Variants in SLIT2 observed in about 807,000 individuals in gnomAD.
The protein encoded by SLIT2 is slit homolog 2 protein.
Under a neutral mutation model 185.7 loss-of-function variants are expected in SLIT2, and 41 were observed. The observed-to-expected ratio is 0.22, with a 90% CI of 0.17 to 0.29. The LOEUF (loss-of-function observed/expected upper bound fraction) is 0.29, where lower values mean the gene tolerates loss of function less well. Among genes scored for constraint, SLIT2 ranks in the 10% least tolerant of loss-of-function variants. The pLI, the probability that SLIT2 is intolerant of heterozygous loss-of-function variation, is 1.00. For synonymous variants in SLIT2, 693 were observed against 680.2 expected, an observed-to-expected ratio of 1.02 and a Z score of -0.29; for missense variants, 1,571 against 1,909.0, an observed-to-expected ratio of 0.82 and a Z score of 3.30.
chr4:20,255,854 A>G (rs1711765667), intron 1 of SLIT2, among the ~76,000 whole-genome samples: 1 of 152,212 alleles, frequency 6.6e-6, no homozygotes, highest in African/African-American at 2.4e-5. Flanking sequence ...CAAAGGTGAT[A>G]TAGAGCTTAC....
intron 4 of SLIT2, among the ~76,000 whole-genome samples, chr4:20,459,888 G>T: frequency 6.9e-6 from 1 of 143,910 alleles, no homozygotes; most frequent in African/African-American, 2.5e-5. Flanking sequence ...TTTGAGATGG[G>T]AATCTTGCTC....
At chr4:20,599,012 T>A (rs1728205765) in intron 33 of SLIT2, among the ~76,000 whole-genome samples, 1 of 152,140 alleles carries the variant, frequency 6.6e-6, no homozygotes, top group Non-Finnish European at 1.5e-5. Flanking sequence ...GCACTGTGAG[T>A]AACTTCAGGT....
chr4:20,479,143 A>G (rs989687613), intron 5 of SLIT2, among the ~76,000 whole-genome samples: 9 of 152,286 alleles, frequency 5.9e-5, no homozygotes, highest in African/African-American at 2.2e-4. Flanking sequence ...CACGTCCTAA[A>G]TTGTACCATT....
rs150677598 is a variant in SLIT2 at position 20,531,990 on chromosome 4, C to G, written c.1620C>G (p.Leu540=). ...HIPQYTAELR[L]NNNEFTVLEA... ...TTCCTTCTTTTTTCTTCAGGCGTCT[C>G]AATAATAATGAATTTACCGTGTTGG... The change falls in exon 17 of 37, where the codon CTC becomes CTG. Residue 540 remains leucine (L), a synonymous_variant. Coordinates refer to ENST00000504154, the MANE Select transcript of SLIT2 (RefSeq NM_004787.4). The G allele has an allele frequency of 3.9e-3, 6,181 of 1,567,460 alleles. 29 individuals carry two copies. Among genetic ancestry groups the G allele is most frequent in the Non-Finnish European group, 3.7e-3 (4,244 of 1,161,004 alleles).
intron 16 of SLIT2, among the ~76,000 whole-genome samples, chr4:20,529,948 T>C (rs1721639656): frequency 6.6e-6 from 1 of 152,214 alleles, no homozygotes; most frequent in Non-Finnish European, 1.5e-5. Flanking sequence ...TTATAGCTCC[T>C]TGATGACAGG....
chr4:20,564,473 A>G (rs1011163883), intron 26 of SLIT2, among the ~76,000 whole-genome samples: 2 of 151,926 alleles, frequency 1.3e-5, no homozygotes, highest in African/African-American at 4.8e-5. Context: ...GAGATATGAG[A>G]GGAGGCTGCT....
chr4:20,351,556 C>G (rs896842279), intron 4 of SLIT2, among the ~76,000 whole-genome samples: 8 of 152,108 alleles, frequency 5.3e-5, no homozygotes, highest in African/African-American at 1.9e-4. Context: ...AGACAGCTCC[C>G]CAGGTTACTC....
At chr4:20,311,413 G>A (rs557058553) in intron 4 of SLIT2, among the ~76,000 whole-genome samples, 6 of 152,164 alleles carry the variant, frequency 3.9e-5, no homozygotes, top group Admixed American at 6.5e-5. Flanking sequence ...TTTTGTGTTC[G>A]AAAGTCAGTG....
At chr4:20,432,868 T>C (rs1033248097) in intron 4 of SLIT2, among the ~76,000 whole-genome samples, 6 of 152,236 alleles carry the variant, frequency 3.9e-5, no homozygotes, top group Non-Finnish European at 8.8e-5. Context: ...CTTAAGTGTT[T>C]GTGCTCTAAT....
At chr4:20,606,179 C>A (rs1048489166) in intron 33 of SLIT2, among the ~76,000 whole-genome samples, 2 of 152,122 alleles carry the variant, frequency 1.3e-5, no homozygotes, top group African/African-American at 4.8e-5. Flanking sequence ...CTCTTTAGGT[C>A]CCATGTGTAA....
intron 4 of SLIT2, among the ~76,000 whole-genome samples, chr4:20,448,359 T>A (rs964019420): frequency 6.6e-6 from 1 of 152,138 alleles, no homozygotes; most frequent in African/African-American, 2.4e-5. Context: ...CGGAGTGCAG[T>A]GCACCAGGCT....
chr4:20,348,648 G>C lies in SLIT2; in HGVS notation c.395+79767G>C, dbSNP rs1225094106. 2.0e-5 allele frequency among the ~76,000 whole-genome samples: 3 copies of C among 152,276 alleles called. No homozygotes were observed. The East Asian group carries it at 5.8e-4, about 29-fold the overall frequency. ...TAATGACAGCCACTGTGCTAGACAA[G>C]GGGAGAATAAGGTAGTGGCATGTAG... On this transcript the variant is annotated intron_variant, in intron 4 of 36. Coordinates refer to ENST00000504154, the MANE Select transcript of SLIT2 (RefSeq NM_004787.4).
chr4:20,449,626 C>G (rs1712243586), intron 4 of SLIT2, among the ~76,000 whole-genome samples: 1 of 152,146 alleles, frequency 6.6e-6, no homozygotes, highest in Non-Finnish European at 1.5e-5. Context: ...TCAGGCTGGT[C>G]TCAAACTCCT....
intron 4 of SLIT2, among the ~76,000 whole-genome samples, chr4:20,291,477 TA>T: frequency 3.1e-4 from 3 of 9,676 alleles, no homozygotes; most frequent in African/African-American, 6.6e-4. Flanking sequence ...TATATATATA[TA>T]TATATATATA....
At chr4:20,439,636 G>A (rs1321532854) in intron 4 of SLIT2, among the ~76,000 whole-genome samples, 2 of 152,136 alleles carry the variant, frequency 1.3e-5, no homozygotes, top group South Asian at 2.1e-4. Context: ...AAGGAGATAC[G>A]GGGAGAGCAA....
At chr4:20,326,808 G>T (rs1719638145) in intron 4 of SLIT2, among the ~76,000 whole-genome samples, 1 of 99,182 alleles carries the variant, frequency 1.0e-5, no homozygotes, top group South Asian at 3.7e-4. Flanking sequence ...TAGAAAATTT[G>T]ATAATTGTTT....
At chr4:20,614,224 C>G (rs1729462533) in intron 34 of SLIT2, among the ~76,000 whole-genome samples, 1 of 152,024 alleles carries the variant, frequency 6.6e-6, no homozygotes, top group Non-Finnish European at 1.5e-5. Flanking sequence ...CCAACTGAAC[C>G]CTTATTACCT....
At chr4:20,569,159 A>G (rs1725352418) in intron 29 of SLIT2, 155 bp downstream of exon 29, 1 of 673,324 alleles carries the variant, frequency 1.5e-6, no homozygotes, top group African/African-American at 1.8e-5. Flanking sequence ...AAGGACTTAA[A>G]GATAGTTTCA....
chr4:20,253,481 A>G lies in SLIT2; in HGVS notation c.-335A>G. 1 of 333,642 alleles carries G rather than the reference A, an allele frequency of 3.0e-6. No homozygotes were observed. The highest frequency in any genetic ancestry group is 5.5e-6 in the Non-Finnish European group (1 of 181,044). The allele number at this position is 333,642 out of a possible 1,614,324, so 20.7% of individuals were successfully genotyped here. Reference sequence around the variant, plus strand: ...AGCCGTTGGAAGCCCCAGCTCTTTTACCGCCAAGTTCATCCTTGGGAGACA... The same window carrying G: ...AGCCGTTGGAAGCCCCAGCTCTTTTGCCGCCAAGTTCATCCTTGGGAGACA... On this transcript the variant is annotated 5_prime_UTR_variant, in exon 1 of 37. Coordinates refer to ENST00000504154, the MANE Select transcript of SLIT2 (RefSeq NM_004787.4).
Sources: allele counts gnomAD v4.1 joint callset (sites outside exome capture counted in the v4.1 genomes callset), GRCh38; gene constraint gnomAD v4.1.1; transcripts MANE v1.5; gene names NCBI Gene and HGNC (gene_info 2026-07-23, HGNC 2026-07-21).